The following TANC2 variants were observed in gnomAD, a reference collection of about 807,000 sequenced individuals.
TANC2 encodes tetratricopeptide repeat, ankyrin repeat and coiled-coil containing 2, also known as protein TANC2.
TANC2 carries 26 observed loss-of-function variants against 210.5 expected under a neutral mutation model. The ratio of observed to expected loss-of-function variants is 0.12; its 90% confidence interval spans 0.09 to 0.17. The LOEUF (loss-of-function observed/expected upper bound fraction) is 0.17. TANC2 is among the 10% of genes least tolerant of loss of function. The probability of loss-of-function intolerance (pLI) is 1.00; values close to 1 mark genes in which losing one functional copy is unlikely to be tolerated. For missense variants in TANC2, 2,129 were observed against 2,608.9 expected (o/e 0.82, Z 4.01); for synonymous variants, 931 against 967.1 (o/e 0.96, Z 0.69).
At chr17:63,089,057 C>G (rs1009013526) in intron 3 of TANC2, 2 of 152,158 alleles carry the variant, frequency 1.3e-5, no homozygotes, top group Non-Finnish European at 2.9e-5. Flanking sequence ...GAAAGTTGTT[C>G]ATTTTCTCAT....
chr17:63,379,731 T>C, exon 15 of TANC2: 1 of 1,612,310 alleles, frequency 6.2e-7, no homozygotes, highest in South Asian at 1.1e-5. Context: ...TGGTCACACG[T>C]TACTTGCCTT....
chr17:63,257,710 C>G (rs777187140), intron 8 of TANC2, among the ~76,000 whole-genome samples: 4 of 152,134 alleles, frequency 2.6e-5, no homozygotes, highest in African/African-American at 9.7e-5. Flanking sequence ...CAACTTAACA[C>G]TGATGGCAAA....
intron 4 of TANC2, among the ~76,000 whole-genome samples, chr17:63,130,203 G>A (rs1269910894): frequency 6.6e-6 from 1 of 151,898 alleles, no homozygotes; most frequent in African/African-American, 2.4e-5. Context: ...TTGTTATTTA[G>A]GTAGCACAAT....
chr17:63,327,156 C>A (rs2045675254), intron 11 of TANC2, among the ~76,000 whole-genome samples: 1 of 152,110 alleles, frequency 6.6e-6, no homozygotes. Context: ...TAAGGAAATG[C>A]AAATTAAAAC....
At chr17:63,229,770 A>ATTTTTTTTTT (rs200009079) in intron 7 of TANC2, among the ~76,000 whole-genome samples, 1 of 130,556 alleles carries the variant, frequency 7.7e-6, no homozygotes, top group Non-Finnish European at 1.6e-5. Flanking sequence ...GATTGTTTGT[A>ATTTTTTTTTT]TTTTTTTTTT....
intron 4 of TANC2, chr17:63,149,770 A>G (rs1252563322): frequency 6.6e-6 from 1 of 152,142 alleles, no homozygotes; most frequent in Non-Finnish European, 1.5e-5. Context: ...ATTTGTAATA[A>G]TGATTTTTAA....
intron 2 of TANC2, among the ~76,000 whole-genome samples, chr17:63,024,137 G>A (rs917970442): frequency 2.0e-5 from 3 of 152,112 alleles, no homozygotes; most frequent in African/African-American, 4.8e-5. Flanking sequence ...AAGGGGTCCC[G>A]ATCCAGAGCC....
At chr17:63,018,893 T>G (rs950290915) in intron 2 of TANC2, among the ~76,000 whole-genome samples, 5 of 152,238 alleles carry the variant, frequency 3.3e-5, no homozygotes, top group African/African-American at 1.2e-4. Context: ...ATTTGTTGCT[T>G]GTTATTGCAT....
chr17:63,359,032 C>T (rs1294279068), intron 14 of TANC2, among the ~76,000 whole-genome samples: 1 of 147,336 alleles, frequency 6.8e-6, no homozygotes, highest in Non-Finnish European at 1.5e-5. Context: ...GATTAAAAGA[C>T]TACTGCGTTA....
intron 11 of TANC2, among the ~76,000 whole-genome samples, chr17:63,339,277 G>A (rs1005083538): frequency 6.6e-6 from 1 of 152,146 alleles, no homozygotes; most frequent in African/African-American, 2.4e-5. Context: ...TTTCTGGGTA[G>A]TAATGAGCCA....
At chr17:63,250,075 TAA>T (rs35406446) in intron 8 of TANC2, among the ~76,000 whole-genome samples, 2 of 151,782 alleles carry the variant, frequency 1.3e-5, no homozygotes, top group African/African-American at 4.8e-5. Context: ...TGATGAAATC[TAA>T]AAAAAAGCTG....
Position 63,296,236 on chromosome 17 carries a change from G to A in TANC2, c.1160-18152G>A, listed in dbSNP as rs117651570. ...TAATCAAAACTTAAAGCTACAAGAG[G>A]AGTGCCTAATGAAGAAAGAGGTTAC... On this transcript the variant is annotated intron_variant, in intron 9 of 27. Transcript: ENST00000689528. 1.1e-3 allele frequency among the ~76,000 whole-genome samples: 162 copies of A among 152,128 alleles called. 3 individuals carry two copies. In the East Asian group the frequency reaches 0.03, roughly 29 times the overall value.
chr17:63,044,686 T>C (rs1046354500), intron 2 of TANC2, among the ~76,000 whole-genome samples: 5 of 152,168 alleles, frequency 3.3e-5, no homozygotes, highest in Non-Finnish European at 7.4e-5. Flanking sequence ...ACTTTACCAA[T>C]TTATATTCTT....
intron 7 of TANC2, among the ~76,000 whole-genome samples, chr17:63,209,086 A>G (rs1008529783): frequency 1.3e-4 from 19 of 151,652 alleles, no homozygotes; most frequent in African/African-American, 4.6e-4. Flanking sequence ...GCTCACTGCA[A>G]CCTCCACCTC....
chr17:63,421,961 G>A lies in TANC2; in HGVS notation c.*6G>A, dbSNP rs757125261. 5.4e-5 allele frequency: 86 copies of A among 1,591,618 alleles called. No homozygotes were observed. The highest frequency in any genetic ancestry group is 6.8e-5 in the Non-Finnish European group (79 of 1,168,662). The stretch of plus-strand genomic sequence containing the variant: ...TCGTGGAGTCTAATGTTTAAAAGAC[G>A]TTTTGTTGGAGTGAGACCCATATGT... On this transcript the variant is annotated 3_prime_UTR_variant, in exon 28 of 28. Transcript: ENST00000689528. The surrounding 1 kb of genome is among the most constrained non-coding windows in gnomAD (Gnocchi z 6.9).
intron 7 of TANC2, among the ~76,000 whole-genome samples, chr17:63,222,411 A>G (rs535506196): frequency 2.6e-5 from 4 of 152,366 alleles, no homozygotes; most frequent in African/African-American, 7.2e-5. Context: ...TACTAATACA[A>G]CATCATGGAT....
At chr17:63,152,007 T>C (rs1467686973) in intron 5 of TANC2, 2 of 152,184 alleles carry the variant, frequency 1.3e-5, no homozygotes, top group Non-Finnish European at 2.9e-5. Context: ...GAAAGACTCA[T>C]TATCAATGCT....
intron 5 of TANC2, among the ~76,000 whole-genome samples, chr17:63,175,904 G>T (rs1207627853): frequency 6.6e-6 from 1 of 152,174 alleles, no homozygotes; most frequent in Non-Finnish European, 1.5e-5. Flanking sequence ...TATTTGAACA[G>T]TTGTTCACAA....
intron 8 of TANC2, among the ~76,000 whole-genome samples, chr17:63,260,236 G>C (rs2043317107): frequency 6.6e-6 from 1 of 152,192 alleles, no homozygotes; most frequent in South Asian, 2.1e-4. Context: ...TCACTCCACT[G>C]TTTCCTAATC....
Sources: gnomAD v4.1 joint callset for allele counts (sites outside exome capture counted in the v4.1 genomes callset) on GRCh38, gnomAD v4.1.1 for gene constraint, Gnocchi (gnomAD v3.1) non-coding constraint, MANE v1.5 for transcripts, NCBI Gene and HGNC (gene_info 2026-07-23, HGNC 2026-07-21) for gene names.